PDE4B: variants seen among roughly 807,000 people sequenced by gnomAD.
PDE4B encodes the protein phosphodiesterase 4B, also known as 3',5'-cyclic-AMP phosphodiesterase 4B.
Under a neutral mutation model 82.2 loss-of-function variants are expected in PDE4B, and 20 were observed. The ratio of observed to expected loss-of-function variants is 0.24; its 90% CI spans 0.17 to 0.35. The LOEUF (loss-of-function observed/expected upper bound fraction) is 0.35, where lower values mean the gene tolerates loss of function less well. PDE4B is among the 10% of genes least tolerant of loss of function. The pLI is 1.00. For synonymous variants in PDE4B, 320 were observed against 318.9 expected (o/e 1.00, Z -0.04); for missense variants, 655 against 907.2 (o/e 0.72, Z 3.57).
chr1:66,054,617 A>G (rs971367148), intron 3 of PDE4B, among the ~76,000 whole-genome samples: 1 of 152,164 alleles, frequency 6.6e-6, no homozygotes, highest in African/African-American at 2.4e-5. Flanking sequence ...CCAAAAGCCT[A>G]TTCCCTATTT....
chr1:66,301,008 C>T (rs779462547), intron 7 of PDE4B, among the ~76,000 whole-genome samples: 4 of 152,044 alleles, frequency 2.6e-5, no homozygotes, highest in Non-Finnish European at 4.4e-5. Context: ...TAGTAAAGAG[C>T]GAAAAAGAGT....
intron 8 of PDE4B, among the ~76,000 whole-genome samples, chr1:66,340,674 A>T (rs1660912285): frequency 6.6e-6 from 1 of 152,160 alleles, no homozygotes. Flanking sequence ...ATAGTGCATA[A>T]TGTTTTAACT....
intron 3 of PDE4B, among the ~76,000 whole-genome samples, chr1:65,969,677 A>G (rs757671796): frequency 3.1e-4 from 47 of 152,146 alleles, no homozygotes; most frequent in Non-Finnish European, 5.6e-4. Context: ...ATTTGTAATG[A>G]TATGTATTTT....
chr1:66,338,328 G>A (rs1480311975), intron 8 of PDE4B, among the ~76,000 whole-genome samples: 1 of 151,786 alleles, frequency 6.6e-6, no homozygotes, highest in Non-Finnish European at 1.5e-5. Context: ...TCTTCTAAGG[G>A]GATTTTGGAT....
intron 3 of PDE4B, among the ~76,000 whole-genome samples, chr1:66,051,058 T>G (rs1457759220): frequency 1.3e-5 from 2 of 152,170 alleles, no homozygotes; most frequent in Non-Finnish European, 2.9e-5. Context: ...GACTTTTCTG[T>G]TTTTAAAAGT....
intron 3 of PDE4B, among the ~76,000 whole-genome samples, chr1:66,141,930 T>C (rs937811407): frequency 2.0e-5 from 3 of 152,098 alleles, no homozygotes; most frequent in African/African-American, 7.2e-5. Flanking sequence ...AAATCGAATA[T>C]TACTTTTATT....
At chr1:66,045,040 T>G in intron 3 of PDE4B, among the ~76,000 whole-genome samples, 1 of 151,750 alleles carries the variant, frequency 6.6e-6, no homozygotes, top group East Asian at 1.9e-4. Flanking sequence ...TATATGTATC[T>G]GATCCTCTGC....
chr1:65,887,425 T>TTTTGTTTTTTTG (rs1646803136), intron 1 of PDE4B, among the ~76,000 whole-genome samples: 2 of 71,704 alleles, frequency 2.8e-5, no homozygotes, highest in Non-Finnish European at 2.6e-5. Flanking sequence ...TTTTTTTTTT[T>TTTTGTTTTTTTG]TTTTTTTTTT....
intron 3 of PDE4B, among the ~76,000 whole-genome samples, chr1:65,934,150 A>T (rs572854894): frequency 3.2e-4 from 49 of 152,354 alleles, no homozygotes; most frequent in African/African-American, 1.2e-3. Flanking sequence ...ATCAAAGTAT[A>T]TCAGTACAAA....
chr1:66,000,477 G>A (rs981271517), intron 3 of PDE4B, among the ~76,000 whole-genome samples: 12 of 152,178 alleles, frequency 7.9e-5, no homozygotes, highest in African/African-American at 2.4e-4. Context: ...TAGAAAAGAC[G>A]TCACTGAGAG....
At chr1:65,832,258 A>T (rs983733799) in intron 1 of PDE4B, among the ~76,000 whole-genome samples, 5 of 152,196 alleles carry the variant, frequency 3.3e-5, no homozygotes, top group Non-Finnish European at 7.3e-5. Context: ...TGCAGGATGA[A>T]ACTTTAGAAG....
chr1:66,067,110 C>T (rs1292659412), intron 3 of PDE4B, among the ~76,000 whole-genome samples: 2 of 152,014 alleles, frequency 1.3e-5, no homozygotes, highest in African/African-American at 2.4e-5. Context: ...TGGGTTGGTT[C>T]CAAGTCTTTG....
intron 3 of PDE4B, among the ~76,000 whole-genome samples, chr1:66,211,356 C>T (rs1650033945): frequency 1.3e-5 from 2 of 152,144 alleles, no homozygotes; most frequent in Admixed American, 1.3e-4. Context: ...TCTTTAAACT[C>T]TCAAAACCTA....
intron 3 of PDE4B, among the ~76,000 whole-genome samples, chr1:66,161,292 A>ACACACAAT (rs1267919018): frequency 2.0e-5 from 3 of 152,092 alleles, no homozygotes; most frequent in African/African-American, 7.2e-5. Flanking sequence ...ACACACACAC[A>ACACACAAT]CACACAATCA....
intron 7 of PDE4B, among the ~76,000 whole-genome samples, chr1:66,291,268 G>A (rs927035173): frequency 6.6e-6 from 1 of 152,064 alleles, no homozygotes. Context: ...CTTTAGGGAG[G>A]TTAAATAATT....
At chr1:66,363,067 T>G (rs1209705032) in intron 10 of PDE4B, 101 bp from the exon 11 acceptor site, 1 of 761,364 alleles carries the variant, frequency 1.3e-6, no homozygotes, top group Admixed American at 2.4e-5. Context: ...GGAGACACTC[T>G]AAAGACTTAA....
At chr1:65,986,111 TAGC>T (rs1650941007) in intron 3 of PDE4B, among the ~76,000 whole-genome samples, 1 of 152,214 alleles carries the variant, frequency 6.6e-6, no homozygotes, top group Admixed American at 6.5e-5. Context: ...GCAGGGCTAA[TAGC>T]AGGGCATGAT....
intron 9 of PDE4B, 21 bp from the exon 10 acceptor site, chr1:66,361,594 A>G (rs748029018): frequency 6.2e-7 from 1 of 1,602,482 alleles, no homozygotes; most frequent in Non-Finnish European, 8.5e-7. Flanking sequence ...GCTGAAAAAC[A>G]TATTCCTTTG....
intron 3 of PDE4B, among the ~76,000 whole-genome samples, chr1:66,060,690 A>C (rs1483516546): frequency 2.0e-5 from 3 of 152,192 alleles, no homozygotes; most frequent in East Asian, 1.9e-4. Flanking sequence ...GCTACTAAAA[A>C]ATTTATAATT....
Sources: allele counts gnomAD v4.1 joint callset (sites outside exome capture counted in the v4.1 genomes callset), GRCh38; gene constraint gnomAD v4.1.1; transcripts MANE v1.5; gene names NCBI Gene and HGNC (gene_info 2026-07-23, HGNC 2026-07-21).